The following CCDC127 variants were observed in gnomAD, a reference collection of about 807,000 sequenced individuals.
CCDC127 encodes the protein coiled-coil domain-containing protein 127.
CCDC127 carries 2 observed loss-of-function variants against 4.1 expected under a neutral mutation model. The ratio of observed to expected loss-of-function variants is 0.49; its 90% CI spans 0.20 to 1.53. The LOEUF is 1.53. Among genes scored for constraint, CCDC127 ranks in the 40% most tolerant of loss-of-function variants. The probability of loss-of-function intolerance (pLI) is 0.23; values close to 1 mark genes in which losing one functional copy is unlikely to be tolerated. For synonymous variants in CCDC127, 98 were observed against 120.4 expected (o/e 0.81, Z 1.22); for missense variants, 271 against 322.9 (o/e 0.84, Z 1.23).
In CCDC127 at chr5:198,119, G is replaced by A. The variant is rs930439419; in HGVS notation, c.*7178C>T. 13 of 152,346 alleles carry A rather than the reference G, an allele frequency of 8.5e-5. No homozygotes were observed. Among genetic ancestry groups the A allele is most frequent in the Admixed American group, 7.2e-4 (11 of 15,282 alleles). The allele number at this position is 152,346 out of a possible 1,614,324, so 9.4% of individuals were successfully genotyped here. On this transcript the variant is annotated 3_prime_UTR_variant, in exon 3 of 3. Coordinates refer to ENST00000296824, the MANE Select transcript of CCDC127 (RefSeq NM_145265.3). ...GGTACCCAGCATGAGTGCCGTACAG[G>A]AGCCTGCCTCCCGGGGGCGTCTCAG...
In CCDC127 at chr5:205,434, C is replaced by A. The variant is rs756885085; in HGVS notation, c.646G>T (p.Asp216Tyr). 6.2e-7 allele frequency: 1 copy of A among 1,614,234 alleles called. No individual in the cohort carries two copies. The highest frequency in any genetic ancestry group is 1.1e-5 in the South Asian group (1 of 91,082). Reference sequence around the variant, plus strand: ...TTCCAGACATCACCACAGTATGTATCATGCTGAAATATGTCGGTGAGACCG... The same window carrying A: ...TTCCAGACATCACCACAGTATGTATAATGCTGAAATATGTCGGTGAGACCG... ...AAGLTDIFQH[D>Y]TYCGDVWNTN... Residue 216 changes from aspartate (D) to tyrosine (Y), a missense_variant, in exon 3 of 3, where the codon GAT becomes TAT. Transcript: ENST00000296824.
chr5:208,765 G>A (rs1362668460), intron 2 of CCDC127, among the ~76,000 whole-genome samples: 1 of 152,222 alleles, frequency 6.6e-6, no homozygotes, highest in Non-Finnish European at 1.5e-5. Flanking sequence ...CTGCCAGGGC[G>A]CCATTCAAGA....
At chr5:214,497 G>C (rs1734340820) in intron 2 of CCDC127, 1 of 152,234 alleles carries the variant, frequency 6.6e-6, no homozygotes, top group African/African-American at 2.4e-5. Context: ...CACTAGAGGG[G>C]AGAAAGCACG....
At position 204,614 on chromosome 5, in the gene CCDC127, T is replaced by G. The variant is rs1019611866; in HGVS notation, c.*683A>C. The stretch of plus-strand genomic sequence containing the variant: ...CACAAGCCAAATTCCAAACACACAT[T>G]AGGTAACAACTGGATACAACACACA... On this transcript the variant is annotated 3_prime_UTR_variant, in exon 3 of 3. Coordinates refer to ENST00000296824, the MANE Select transcript of CCDC127 (RefSeq NM_145265.3). 2 of 152,220 alleles carry G rather than the reference T, an allele frequency of 1.3e-5. No individual in the cohort carries two copies. Among genetic ancestry groups the G allele is most frequent in the African/African-American group, 2.4e-5 (1 of 41,444 alleles). 9.4% of individuals were successfully genotyped at this position (152,220 alleles called of 1,614,324 possible).
rs1296489135 is a variant in CCDC127, at chr5:203,712, A to G, written c.*1585T>C. 6.6e-6 allele frequency: 1 copy of G among 152,228 alleles called. No homozygotes were observed. The highest frequency in any genetic ancestry group is 1.5e-5 in the Non-Finnish European group (1 of 68,052). The allele number at this position is 152,228 out of a possible 1,614,324, so 9.4% of individuals were successfully genotyped here. A position where few individuals can be genotyped will look rare whatever the true frequency, so the allele number is the denominator to read the frequency against. ...TCCCGCTCCTGCCTGGCCACACACT[A>G]TCAAATCACTGCACACAGGTTACTC... On this transcript the variant is annotated 3_prime_UTR_variant, in exon 3 of 3. Coordinates refer to ENST00000296824, the MANE Select transcript of CCDC127 (RefSeq NM_145265.3).
intron 1 of CCDC127, among the ~76,000 whole-genome samples, 153 bp downstream of exon 1, chr5:217,940 C>T (rs1350069563): frequency 1.3e-5 from 2 of 152,262 alleles, no homozygotes; most frequent in African/African-American, 4.8e-5. Flanking sequence ...CCGGGCCGCT[C>T]CCGCCCACCT....
At chr5:206,510 C>T (rs534873766) in intron 2 of CCDC127, among the ~76,000 whole-genome samples, 173 of 152,320 alleles carry the variant, frequency 1.1e-3, no homozygotes, top group African/African-American at 4.1e-3. Context: ...GGGCACTGCC[C>T]GGCTCTGCCC....
chr5:210,738 C>A (rs1579360915), intron 2 of CCDC127, among the ~76,000 whole-genome samples: 1 of 135,060 alleles, frequency 7.4e-6, no homozygotes, highest in East Asian at 2.2e-4. Flanking sequence ...GACGGGACAG[C>A]AATGTGAGCA....
intron 1 of CCDC127, chr5:217,186 C>T (rs931560628): frequency 1.4e-4 from 29 of 205,428 alleles, no homozygotes; most frequent in Non-Finnish European, 2.6e-4. Context: ...AAGATGAAAG[C>T]GACTCACAAT....
chr5:199,465 G>T lies in CCDC127; in HGVS notation c.*5832C>A, dbSNP rs1483211743. On this transcript the variant is annotated 3_prime_UTR_variant, in exon 3 of 3. Transcript: ENST00000296824. Reference sequence around the variant, plus strand: ...AGGCTCCATCATCTGCTGCATGCTGGAGTCCCACTATCCATCAGCCCCACA... The same window carrying T: ...AGGCTCCATCATCTGCTGCATGCTGTAGTCCCACTATCCATCAGCCCCACA... 1 of 152,704 alleles carries T rather than the reference G, an allele frequency of 6.5e-6. No homozygotes were observed. Among genetic ancestry groups the T allele is most frequent in the Non-Finnish European group, 1.5e-5 (1 of 68,452 alleles). The allele number at this position is 152,704 out of a possible 1,614,324, so 9.5% of individuals were successfully genotyped here.
chr5:205,595 A>C lies in CCDC127; in HGVS notation c.485T>G (p.Phe162Cys). The C allele has an allele frequency of 6.2e-7, 1 of 1,614,180 alleles. No individual in the cohort carries two copies. Among genetic ancestry groups the C allele is most frequent in the Non-Finnish European group, 8.5e-7 (1 of 1,180,036 alleles). Residue 162 changes from phenylalanine (F) to cysteine (C), a missense_variant, in exon 3 of 3, where the codon TTT becomes TGT. Physicochemically the swap from Phe to Cys is radical, Grantham distance 205. Coordinates refer to ENST00000296824, the MANE Select transcript of CCDC127 (RefSeq NM_145265.3). Reference sequence around the variant, plus strand: ...CTGTCTTTCTGTGAGAACAGCTTCAAATTCTTTCAGCAAAAGCCTGGCTCT... The same window carrying C: ...CTGTCTTTCTGTGAGAACAGCTTCACATTCTTTCAGCAAAAGCCTGGCTCT... The part of the protein sequence containing the change: ...QRRARLLLKE[F>C]EAVLTERQNI...
At chr5:210,875 G>A (rs1409714676) in intron 2 of CCDC127, among the ~76,000 whole-genome samples, 2 of 92,350 alleles carry the variant, frequency 2.2e-5, no homozygotes, top group Admixed American at 9.9e-5. Context: ...CAGCCACGAC[G>A]AGACAGCACC....
chr5:206,008 T>G, intron 2 of CCDC127, 50 bp from the exon 3 acceptor site: 1 of 1,497,180 alleles, frequency 6.7e-7, no homozygotes, highest in South Asian at 1.2e-5. Flanking sequence ...AGGGCTGAAG[T>G]TCTATAATCC....
chr5:206,629 G>C (rs983450234), intron 2 of CCDC127, among the ~76,000 whole-genome samples: 1 of 152,174 alleles, frequency 6.6e-6, no homozygotes, highest in African/African-American at 2.4e-5. Context: ...GCTCCGTATA[G>C]AGCCACCAAC....
At chr5:210,171 G>C (rs184039694) in intron 2 of CCDC127, among the ~76,000 whole-genome samples, 1 of 152,324 alleles carries the variant, frequency 6.6e-6, no homozygotes. Context: ...ATGGGTAAGG[G>C]CTTAAATGTA....
chr5:208,823 G>A (rs1404905275), intron 2 of CCDC127, among the ~76,000 whole-genome samples: 7 of 152,210 alleles, frequency 4.6e-5, no homozygotes, highest in East Asian at 1.9e-4. Flanking sequence ...GTTTCAGCAC[G>A]TAATGCCCCA....
rs1734068103 is a variant in CCDC127 at position 201,079 on chromosome 5, GCCC to G, written c.*4215_*4217del. On this transcript the variant is annotated 3_prime_UTR_variant, in exon 3 of 3. Transcript: ENST00000296824. ...CCAGCCAGTGTCTACACAGCAGGCT[GCCC>G]CCCATCACAGCCAGCCAGTGTCTAG... 9.4e-6 allele frequency: 1 copy of G among 105,836 alleles called. No individual in the cohort carries two copies. Among genetic ancestry groups the G allele is most frequent in the African/African-American group, 3.2e-5 (1 of 30,832 alleles). 6.6% of individuals were successfully genotyped at this position (105,836 alleles called of 1,614,324 possible). A position where few individuals can be genotyped will look rare whatever the true frequency, so the allele number is the denominator to read the frequency against.
At chr5:211,028 C>T (rs1241160603) in intron 2 of CCDC127, among the ~76,000 whole-genome samples, 1 of 79,698 alleles carries the variant, frequency 1.3e-5, no homozygotes, top group Non-Finnish European at 2.3e-5. Context: ...CGCTGATGCT[C>T]GACATCACAC....
intron 2 of CCDC127, among the ~76,000 whole-genome samples, chr5:206,569 C>T (rs528321692): frequency 4.3e-4 from 66 of 152,276 alleles, no homozygotes; most frequent in African/African-American, 1.5e-3. Context: ...AGAAATCCAG[C>T]GCCTCTAAGA....
Sources: gnomAD v4.1 joint callset for allele counts (sites outside exome capture counted in the v4.1 genomes callset) on GRCh38, gnomAD v4.1.1 for gene constraint, MANE v1.5 for transcripts, NCBI Gene and HGNC (gene_info 2026-07-23, HGNC 2026-07-21) for gene names.